Variants in CCR5AS observed in about 807,000 individuals in gnomAD.
CCR5AS encodes the protein CCR5 antisense RNA.
chr3:46,385,940 C>T (rs1328490660), intron 2 of CCR5AS, among the ~76,000 whole-genome samples: 1 of 151,962 alleles, frequency 6.6e-6, no homozygotes, highest in Non-Finnish European at 1.5e-5. Context: ...TGGGGTTTCA[C>T]CATATTTTAT....
At chr3:46,406,037 G>A (rs1702043283) in intron 1 of CCR5AS, among the ~76,000 whole-genome samples, 1 of 151,950 alleles carries the variant, frequency 6.6e-6, no homozygotes, top group African/African-American at 2.4e-5. Flanking sequence ...CACTGCATCT[G>A]GCTAATTTTT....
chr3:46,372,512 G>C (rs1435617559), intron 2 of CCR5AS, among the ~76,000 whole-genome samples: 6 of 150,912 alleles, frequency 4.0e-5, no homozygotes, highest in Non-Finnish European at 7.4e-5. Flanking sequence ...CTGGGCGACA[G>C]AGTGAGACCC....
At chr3:46,404,359 G>T (rs1233049282) in intron 1 of CCR5AS, among the ~76,000 whole-genome samples, 4 of 118,138 alleles carry the variant, frequency 3.4e-5, no homozygotes, top group Admixed American at 3.2e-4. Context: ...TTTTAAGATG[G>T]AGTCTCACTC....
At chr3:46,400,984 G>A (rs556264782) in intron 1 of CCR5AS, among the ~76,000 whole-genome samples, 3 of 152,282 alleles carry the variant, frequency 2.0e-5, no homozygotes, top group East Asian at 1.9e-4. Flanking sequence ...GAGATGGTGC[G>A]AATGTTTTTG....
intron 2 of CCR5AS, among the ~76,000 whole-genome samples, chr3:46,380,678 A>T (rs1701808328): frequency 6.6e-6 from 1 of 152,164 alleles, no homozygotes; most frequent in African/African-American, 2.4e-5. Context: ...AAGTAGGAGC[A>T]CTCGTGACTC....
chr3:46,382,371 A>G (rs758066166), intron 2 of CCR5AS, among the ~76,000 whole-genome samples: 1 of 151,786 alleles, frequency 6.6e-6, no homozygotes, highest in Non-Finnish European at 1.5e-5. Flanking sequence ...AGTCTATAAA[A>G]CCCCATGCAT....
At chr3:46,403,417 C>T (rs1465191026) in intron 1 of CCR5AS, among the ~76,000 whole-genome samples, 1 of 152,150 alleles carries the variant, frequency 6.6e-6, no homozygotes, top group Non-Finnish European at 1.5e-5. Context: ...ACAGAAACCA[C>T]ACATGAACAT....
At chr3:46,392,595 G>A (rs1168961358) in intron 2 of CCR5AS, among the ~76,000 whole-genome samples, 1 of 152,170 alleles carries the variant, frequency 6.6e-6, no homozygotes, top group Non-Finnish European at 1.5e-5. Flanking sequence ...CCGGTGATCA[G>A]ACACCAAATG....
At chr3:46,376,198 C>T (rs1181793416) in intron 2 of CCR5AS, 2 of 165,002 alleles carry the variant, frequency 1.2e-5, no homozygotes, top group African/African-American at 4.8e-5. Flanking sequence ...AAAACACCTT[C>T]TAAAATAATT....
Position 46,381,514 on chromosome 3 carries a change from A to C in CCR5AS, n.392-10097T>G, listed in dbSNP as rs528795602. 4.6e-5 allele frequency among the ~76,000 whole-genome samples: 7 copies of C among 152,330 alleles called. No homozygotes were observed. The East Asian group carries it at 1.3e-3, about 29-fold the overall frequency. ...CTGAAGAGCAGATATCTGATAACTTAATCTTTTTGGTTTTGAGTCAAGACA... is the reference window on the plus strand; with the variant it reads ...CTGAAGAGCAGATATCTGATAACTTCATCTTTTTGGTTTTGAGTCAAGACA... On this transcript the variant is annotated intron_variant and non_coding_transcript_variant, in intron 2 of 3. Transcript: ENST00000451485.
At chr3:46,383,562 C>G (rs1416594722) in intron 2 of CCR5AS, among the ~76,000 whole-genome samples, 1 of 152,150 alleles carries the variant, frequency 6.6e-6, no homozygotes, top group Non-Finnish European at 1.5e-5. Context: ...TCATCCTCAG[C>G]TGTGCCTATG....
chr3:46,392,195 C>T (rs1004897710), intron 2 of CCR5AS, among the ~76,000 whole-genome samples: 2 of 152,158 alleles, frequency 1.3e-5, no homozygotes, highest in Non-Finnish European at 2.9e-5. Context: ...CAAGTCCATG[C>T]CCTTCTTAAT....
At chr3:46,396,848 C>T (rs185575257) in intron 1 of CCR5AS, among the ~76,000 whole-genome samples, 65 of 152,336 alleles carry the variant, frequency 4.3e-4, no homozygotes, top group African/African-American at 1.5e-3. Flanking sequence ...TACAACTCTC[C>T]TTCTCAGAGA....
In CCR5AS at chr3:46,386,816, C is replaced by T. The variant is rs375960150; in HGVS notation, n.391+6009G>A. On this transcript the variant is annotated intron_variant and non_coding_transcript_variant, in intron 2 of 3. Transcript: ENST00000451485. The stretch of plus-strand genomic sequence containing the variant: ...AGAGTCCTTATCTCTTAAGGATACA[C>T]TCTAAAATACTAGTGGATTAAGTTA... Among the ~76,000 whole-genome samples the T allele has an allele frequency of 9.2e-5, 14 of 152,234 alleles. No homozygotes were observed. The South Asian group carries it at 1.2e-3, about 14-fold the overall frequency.
In CCR5AS at chr3:46,399,676, G is replaced by A. The variant is rs182778514; in HGVS notation, n.164-6624C>T. 7.5e-4 allele frequency among the ~76,000 whole-genome samples: 114 copies of A among 152,260 alleles called. 1 individual carries two copies. In the South Asian group the frequency reaches 0.023, roughly 30 times the overall value. On this transcript the variant is annotated intron_variant and non_coding_transcript_variant, in intron 1 of 3. Transcript: ENST00000451485. ...GAGAGATTAGCCTTTGGTGTTAGAG[G>A]AGCAACTCTGTCCATGGAGAGAGGA...
intron 3 of CCR5AS, among the ~76,000 whole-genome samples, chr3:46,369,921 A>G (rs1184164876): frequency 1.3e-5 from 2 of 152,194 alleles, no homozygotes; most frequent in East Asian, 3.8e-4. Context: ...CTTAGAGATC[A>G]CAAGCCAAAG....
intron 1 of CCR5AS, among the ~76,000 whole-genome samples, chr3:46,403,750 G>A (rs1437193637): frequency 1.3e-5 from 2 of 152,202 alleles, no homozygotes; most frequent in African/African-American, 4.8e-5. Context: ...CGAGGAAGAC[G>A]CTCTTGGAGT....
chr3:46,389,113 A>G (rs944886879), intron 2 of CCR5AS, among the ~76,000 whole-genome samples: 3 of 152,048 alleles, frequency 2.0e-5, no homozygotes, highest in Non-Finnish European at 4.4e-5. Context: ...GTGACTGCGT[A>G]GAGCTCTGTT....
At chr3:46,404,486 C>T (rs1451946681) in intron 1 of CCR5AS, among the ~76,000 whole-genome samples, 7 of 151,958 alleles carry the variant, frequency 4.6e-5, no homozygotes, top group Admixed American at 2.0e-4. Flanking sequence ...GGGCACCCAT[C>T]GCCACCCCTC....
Sources: gnomAD v4.1 joint callset for allele counts (sites outside exome capture counted in the v4.1 genomes callset) on GRCh38, gnomAD v4.1.1 for gene constraint, MANE v1.5 for transcripts, NCBI Gene and HGNC (gene_info 2026-07-23, HGNC 2026-07-21) for gene names.